The following NFIL3 variants were observed in gnomAD, a reference collection of about 807,000 sequenced individuals.
The protein encoded by NFIL3 is nuclear factor interleukin-3-regulated protein.
A neutral mutation model predicts 10.0 loss-of-function variants in NFIL3; 5 were observed. The ratio of observed to expected loss-of-function variants is 0.50; its 90% CI spans 0.26 to 1.06. The LOEUF is 1.06. Ranked by LOEUF, NFIL3 falls within the 50% of genes least tolerant of loss-of-function variation. The pLI, the probability that NFIL3 is intolerant of heterozygous loss-of-function variation, is 0.13. For missense variants in NFIL3, 436 were observed against 547.6 expected, an observed-to-expected ratio of 0.80 and a Z score of 2.03; for synonymous variants, 202 against 206.5, an observed-to-expected ratio of 0.98 and a Z score of 0.19.
chr9:91,454,796 C>A, the NFIL3 span, among the ~76,000 whole-genome samples: 8 of 152,198 alleles, frequency 5.3e-5, no homozygotes, highest in Admixed American at 4.6e-4. Flanking sequence ...TGTGCCACTG[C>A]ACTCCAGCCT....
rs1204316094 is a variant in NFIL3, at chr9:91,410,067, A to T, written c.668T>A (p.Met223Lys). 6.2e-6 allele frequency: 10 copies of T among 1,612,860 alleles called. No individual in the cohort carries two copies. Among genetic ancestry groups the T allele is most frequent in the Non-Finnish European group, 8.5e-6 (10 of 1,179,940 alleles). Residue 223 changes from methionine (M) to lysine (K), a missense_variant, in exon 2 of 2, where the codon ATG becomes AAG. Physicochemically the swap from Met to Lys is moderately conservative, Grantham distance 95. Transcript: ENST00000297689. This position sits in a 1 kb window ranked among gnomAD's most constrained non-coding sequence, Gnocchi z 5.7. ...CTCCCTTGTGTAGCTCTCTAATTCC[A>T]TCGGCTCTTGCTTGATAATCTGGAA... ...NKFQIIKQEP[M>K]ELESYTREPR...
At chr9:91,467,178 A>G in the NFIL3 span, among the ~76,000 whole-genome samples, 1 of 151,718 alleles carries the variant, frequency 6.6e-6, no homozygotes, top group African/African-American at 2.4e-5. Flanking sequence ...ATTATATATT[A>G]TATTATATCA....
chr9:91,446,355 C>G, the NFIL3 span, among the ~76,000 whole-genome samples: 1 of 152,200 alleles, frequency 6.6e-6, no homozygotes, highest in Non-Finnish European at 1.5e-5. Context: ...TTTCTCTTCT[C>G]TAGTGTTCTC....
At chr9:91,470,876 T>A in the NFIL3 span, among the ~76,000 whole-genome samples, 99 of 152,354 alleles carry the variant, frequency 6.5e-4, no homozygotes, top group African/African-American at 2.4e-3. Flanking sequence ...TGCACTGTGG[T>A]CTGAGAGAAA....
At chr9:91,476,567 C>A in the NFIL3 span, among the ~76,000 whole-genome samples, 1 of 148,722 alleles carries the variant, frequency 6.7e-6, no homozygotes. Flanking sequence ...AGCAAGAATC[C>A]GTCTAAAAAA....
At chr9:91,417,249 ATTG>A (rs1266875792) in intron 1 of NFIL3, among the ~76,000 whole-genome samples, 7 of 152,122 alleles carry the variant, frequency 4.6e-5, no homozygotes, top group African/African-American at 1.7e-4. Flanking sequence ...CTCTGAATGT[ATTG>A]TTTTCTCCCT....
At chr9:91,470,252 A>C in the NFIL3 span, among the ~76,000 whole-genome samples, 30 of 151,616 alleles carry the variant, frequency 2.0e-4, no homozygotes, top group African/African-American at 2.9e-4. Flanking sequence ...TTCCTGGTTT[A>C]GTCTTGGGAG....
the NFIL3 span, among the ~76,000 whole-genome samples, chr9:91,452,280 T>A: frequency 4.2e-3 from 645 of 152,360 alleles, 2 homozygotes; most frequent in South Asian, 0.023. Flanking sequence ...ACAACACCTG[T>A]CATCATAGCC....
the NFIL3 span, among the ~76,000 whole-genome samples, chr9:91,436,573 GCCTCAACAA>G: frequency 3.8e-4 from 51 of 135,946 alleles, 1 homozygote; most frequent in South Asian, 0.01. Context: ...GCAAGACTCT[GCCTCAACAA>G]CAACAACAAC....
chr9:91,473,503 AC>A, the NFIL3 span, among the ~76,000 whole-genome samples: 1 of 152,174 alleles, frequency 6.6e-6, no homozygotes, highest in Admixed American at 6.5e-5. Flanking sequence ...TGGGCGTGGG[AC>A]CCGCCGAGCC....
At chr9:91,465,658 T>C in the NFIL3 span, among the ~76,000 whole-genome samples, 2 of 152,116 alleles carry the variant, frequency 1.3e-5, no homozygotes, top group Admixed American at 1.3e-4. Flanking sequence ...TTTTTCCTTT[T>C]AGCATGCCTT....
the NFIL3 span, among the ~76,000 whole-genome samples, chr9:91,454,004 C>A: frequency 2.0e-5 from 3 of 151,482 alleles, no homozygotes; most frequent in African/African-American, 7.3e-5. Context: ...GAGGCTGAGG[C>A]GGGGGATCAC....
the NFIL3 span, among the ~76,000 whole-genome samples, chr9:91,462,999 T>C: frequency 6.6e-6 from 1 of 152,036 alleles, no homozygotes; most frequent in Non-Finnish European, 1.5e-5. Flanking sequence ...TGAAATATTC[T>C]TTATTATCCT....
chr9:91,477,692 G>T, the NFIL3 span, among the ~76,000 whole-genome samples: 1 of 152,142 alleles, frequency 6.6e-6, no homozygotes, highest in Non-Finnish European at 1.5e-5. Flanking sequence ...AAAACAGCCA[G>T]AGATAAAACT....
chr9:91,426,656 C>T (rs1038376186), upstream of NFIL3, among the ~76,000 whole-genome samples: 1 of 152,128 alleles, frequency 6.6e-6, no homozygotes, highest in Non-Finnish European at 1.5e-5. Flanking sequence ...CAATCAACCA[C>T]ATTCTAATTC....
the NFIL3 span, among the ~76,000 whole-genome samples, chr9:91,458,794 C>T: frequency 6.6e-6 from 1 of 151,982 alleles, no homozygotes; most frequent in South Asian, 2.1e-4. Flanking sequence ...CTGCTTGAGG[C>T]CTGGAATTTT....
the NFIL3 span, among the ~76,000 whole-genome samples, chr9:91,480,975 G>T: frequency 1.3e-5 from 2 of 152,284 alleles, no homozygotes; most frequent in Non-Finnish European, 2.9e-5. Context: ...GACCTTAAAA[G>T]ATTTATTCTA....
chr9:91,433,890 A>G, the NFIL3 span, among the ~76,000 whole-genome samples: 1 of 152,086 alleles, frequency 6.6e-6, no homozygotes, highest in Non-Finnish European at 1.5e-5. Flanking sequence ...CTTATTCACA[A>G]TAAGAAAAAC....
chr9:91,474,102 C>G, the NFIL3 span, among the ~76,000 whole-genome samples: 1 of 147,874 alleles, frequency 6.8e-6, no homozygotes, highest in African/African-American at 2.5e-5. Flanking sequence ...TTTTTTTAAT[C>G]AAGTTGACAA....
Sources: allele counts gnomAD v4.1 joint callset (sites outside exome capture counted in the v4.1 genomes callset), GRCh38; gene constraint gnomAD v4.1.1; non-coding constraint Gnocchi (gnomAD v3.1); transcripts MANE v1.5; gene names NCBI Gene and HGNC (gene_info 2026-07-23, HGNC 2026-07-21).